Variants in ANGPT1 observed in about 807,000 individuals in gnomAD.
ANGPT1 encodes the protein angiopoietin 1.
A neutral mutation model predicts 62.2 loss-of-function variants in ANGPT1; 17 were observed. The observed-to-expected ratio is 0.27, with a 90% confidence interval of 0.19 to 0.41. ANGPT1 has a LOEUF of 0.41. Ranked by LOEUF, ANGPT1 falls within the 10% of genes least tolerant of loss-of-function variation. ANGPT1 has a pLI of 1.00. For missense variants in ANGPT1, 478 were observed against 594.9 expected (o/e 0.80, Z 2.04); for synonymous variants, 199 against 198.9 (o/e 1.00, Z 0.00).
chr8:107,276,788 G>A (rs1007651669), intron 7 of ANGPT1, among the ~76,000 whole-genome samples: 3 of 152,110 alleles, frequency 2.0e-5, no homozygotes, highest in Non-Finnish European at 2.9e-5. Context: ...CTGGATTCCC[G>A]ATACAGTGTT....
At chr8:107,382,487 T>C (rs1355115053) in intron 1 of ANGPT1, among the ~76,000 whole-genome samples, 1 of 151,960 alleles carries the variant, frequency 6.6e-6, no homozygotes, top group African/African-American at 2.4e-5. Context: ...AGCACCAGGG[T>C]ATTGCAGATA....
intron 1 of ANGPT1, among the ~76,000 whole-genome samples, chr8:107,351,147 A>C (rs1328726238): frequency 6.6e-6 from 1 of 152,140 alleles, no homozygotes; most frequent in Non-Finnish European, 1.5e-5. Context: ...TTATTTGACT[A>C]TACTGCCATG....
chr8:107,358,535 T>C (rs1816097419), intron 1 of ANGPT1, among the ~76,000 whole-genome samples: 1 of 152,176 alleles, frequency 6.6e-6, no homozygotes. Context: ...TCTCTGAGAA[T>C]TAACCATACA....
At chr8:107,340,894 A>T (rs1484178258) in intron 2 of ANGPT1, among the ~76,000 whole-genome samples, 1 of 152,150 alleles carries the variant, frequency 6.6e-6, no homozygotes, top group Non-Finnish European at 1.5e-5. Flanking sequence ...AATTTGTAAC[A>T]TAAAATATGA....
chr8:107,445,345 G>C (rs546054367), intron 1 of ANGPT1, among the ~76,000 whole-genome samples: 105 of 152,222 alleles, frequency 6.9e-4, no homozygotes, highest in Non-Finnish European at 1.4e-3. Flanking sequence ...AAATACAAAA[G>C]TGAGAAGAAG....
At chr8:107,384,832 A>G (rs952997407) in intron 1 of ANGPT1, among the ~76,000 whole-genome samples, 5 of 152,042 alleles carry the variant, frequency 3.3e-5, no homozygotes, top group Middle Eastern at 3.2e-3. Flanking sequence ...TCAATCTTCT[A>G]CATATGGCTA....
intron 2 of ANGPT1, among the ~76,000 whole-genome samples, chr8:107,343,669 G>T (rs1300485115): frequency 6.6e-6 from 1 of 152,114 alleles, no homozygotes; most frequent in Non-Finnish European, 1.5e-5. Flanking sequence ...AGAAAGAAAT[G>T]ACTTAGAAGC....
chr8:107,301,525 T>G (rs1375624895), intron 5 of ANGPT1, among the ~76,000 whole-genome samples: 1 of 151,938 alleles, frequency 6.6e-6, no homozygotes, highest in African/African-American at 2.4e-5. Flanking sequence ...TAAGTTATCT[T>G]CATCTCCTCA....
intron 1 of ANGPT1, among the ~76,000 whole-genome samples, chr8:107,496,238 C>T (rs1813092266): frequency 6.6e-6 from 1 of 152,192 alleles, no homozygotes; most frequent in African/African-American, 2.4e-5. Context: ...TGCCTCCCTT[C>T]TAGTAGCATA....
intron 1 of ANGPT1, among the ~76,000 whole-genome samples, chr8:107,383,953 T>TAGG (rs1396446403): frequency 6.6e-6 from 1 of 152,168 alleles, no homozygotes; most frequent in Non-Finnish European, 1.5e-5. Context: ...GGAGACACAT[T>TAGG]AGGCACCTGT....
intron 1 of ANGPT1, among the ~76,000 whole-genome samples, chr8:107,454,999 C>A (rs949752587): frequency 6.6e-6 from 1 of 152,006 alleles, no homozygotes; most frequent in African/African-American, 2.4e-5. Flanking sequence ...CCTTTGGCTT[C>A]TATATGTCTT....
At chr8:107,313,422 A>C (rs979386515) in intron 4 of ANGPT1, among the ~76,000 whole-genome samples, 2 of 115,774 alleles carry the variant, frequency 1.7e-5, no homozygotes, top group African/African-American at 6.4e-5. Context: ...TAAAAATGTT[A>C]CTAGTTGTTT....
At chr8:107,438,439 T>C (rs1383110702) in intron 1 of ANGPT1, among the ~76,000 whole-genome samples, 1 of 152,154 alleles carries the variant, frequency 6.6e-6, no homozygotes. Flanking sequence ...TTATTGAAAA[T>C]AGTTTGAATC....
chr8:107,465,966 C>T (rs1183144552), intron 1 of ANGPT1, among the ~76,000 whole-genome samples: 1 of 152,166 alleles, frequency 6.6e-6, no homozygotes, highest in Non-Finnish European at 1.5e-5. Flanking sequence ...TCTGGGAGGG[C>T]TTTCTAATAT....
At chr8:107,380,359 T>TTGTGTGTGTG (rs71308731) in intron 1 of ANGPT1, among the ~76,000 whole-genome samples, 2,009 of 148,754 alleles carry the variant, frequency 0.014, 20 homozygotes, top group Middle Eastern at 0.045. Flanking sequence ...TGCAGGATGT[T>TTGTGTGTGTG]TGTGTGTGTG....
intron 1 of ANGPT1, among the ~76,000 whole-genome samples, chr8:107,393,464 A>T (rs1374465518): frequency 6.6e-6 from 1 of 152,226 alleles, no homozygotes; most frequent in Non-Finnish European, 1.5e-5. Flanking sequence ...CAATACATAC[A>T]AATTTAAAAA....
At chr8:107,423,274 CG>C (rs879837147) in intron 1 of ANGPT1, among the ~76,000 whole-genome samples, 8 of 152,186 alleles carry the variant, frequency 5.3e-5, no homozygotes, top group Admixed American at 5.2e-4. Flanking sequence ...TGAGATAAAG[CG>C]TCAATAATGA....
chr8:107,251,919 T>A lies in ANGPT1; in HGVS notation c.1433A>T (p.Tyr478Phe). The A allele has an allele frequency of 6.2e-7, 1 of 1,613,962 alleles. No individual in the cohort carries two copies. The highest frequency in any genetic ancestry group is 8.5e-7 in the Non-Finnish European group (1 of 1,179,864). The part of the protein sequence containing the change: ...HGKLNGIKWH[Y>F]FKGPSYSLRS... ...TAAGGAGTAACTGGGCCCTTTGAAG[T>A]AGTGCCACTTTATCCCATTCAGTTT... The change falls in exon 9 of 9, where the codon TAC (tyrosine) becomes TTC (phenylalanine). Residue 478 changes from tyrosine to phenylalanine, a missense_variant. By Grantham distance (22) the Tyr-to-Phe change is conservative. Transcript: ENST00000517746.
intron 1 of ANGPT1, among the ~76,000 whole-genome samples, chr8:107,465,627 C>T (rs1019842399): frequency 1.7e-4 from 26 of 152,236 alleles, no homozygotes; most frequent in African/African-American, 6.0e-4. Flanking sequence ...TAAGCTTATA[C>T]TCTGTCTTTA....
Sources: gnomAD v4.1 joint callset for allele counts (sites outside exome capture counted in the v4.1 genomes callset) on GRCh38, gnomAD v4.1.1 for gene constraint, MANE v1.5 for transcripts, NCBI Gene and HGNC (gene_info 2026-07-23, HGNC 2026-07-21) for gene names.